GLT1D1: variants seen among roughly 807,000 people sequenced by gnomAD.
GLT1D1 encodes the protein glycosyltransferase 1 domain-containing protein 1.
Under a neutral mutation model 28.7 loss-of-function variants are expected in GLT1D1, and 21 were observed. That is an observed-to-expected ratio of 0.73 (90% CI 0.52 to 1.05). GLT1D1 has a LOEUF of 1.05. GLT1D1 is among the 50% of genes least tolerant of loss of function. The pLI is 0.00. For synonymous variants in GLT1D1, 147 were observed against 124.8 expected (o/e 1.18, Z -1.19); for missense variants, 343 against 330.6 (o/e 1.04, Z -0.29).
chr12:128,857,365 T>A (rs138003477), intron 1 of GLT1D1, among the ~76,000 whole-genome samples: 1,988 of 152,292 alleles, frequency 0.013, 43 homozygotes, highest in African/African-American at 0.046. Flanking sequence ...CGTTCTTTCT[T>A]TTCCTGGCTG....
At chr12:128,968,304 G>A (rs1878683530) in intron 7 of GLT1D1, among the ~76,000 whole-genome samples, 1 of 151,692 alleles carries the variant, frequency 6.6e-6, no homozygotes, top group Non-Finnish European at 1.5e-5. Context: ...CACTTATGTG[G>A]ATTTCCAAGT....
At chr12:128,939,176 G>T (rs1055624127) in intron 4 of GLT1D1, among the ~76,000 whole-genome samples, 3 of 152,064 alleles carry the variant, frequency 2.0e-5, no homozygotes, top group African/African-American at 7.2e-5. Flanking sequence ...TTCCTTTCAG[G>T]CAATCAGGGA....
intron 4 of GLT1D1, among the ~76,000 whole-genome samples, chr12:128,900,718 C>G (rs975445951): frequency 6.6e-6 from 1 of 151,950 alleles, no homozygotes; most frequent in Non-Finnish European, 1.5e-5. Flanking sequence ...TCACTGCAAC[C>G]TCTGCCCCCC....
chr12:128,952,772 G>GGTTTT (rs1565908656), intron 6 of GLT1D1, among the ~76,000 whole-genome samples: 1 of 21,788 alleles, frequency 4.6e-5, no homozygotes, highest in Non-Finnish European at 8.1e-5. Flanking sequence ...ACCGTGACTG[G>GGTTTT]CTTTTTTTTT....
At chr12:128,970,797 T>G (rs1878962658) in intron 7 of GLT1D1, among the ~76,000 whole-genome samples, 1 of 152,210 alleles carries the variant, frequency 6.6e-6, no homozygotes, top group African/African-American at 2.4e-5. Context: ...TCCCCGCACC[T>G]GTGTCTGTGT....
Position 128,883,059 on chromosome 12 carries a change from T to C in GLT1D1, c.218-5580T>C, listed in dbSNP as rs1024681995. Among the ~76,000 whole-genome samples, 5 of 151,840 alleles carry C rather than the reference T, an allele frequency of 3.3e-5. 1 individual carries two copies. The highest frequency in any genetic ancestry group is 6.6e-5 in the Admixed American group (1 of 15,230). On this transcript the variant is annotated intron_variant, in intron 2 of 7. Transcript: ENST00000281703. ...CTCCTGCCTCAGCCTCTTGAGTAGC[T>C]GGGATTACGAGCACGCGCCACCACG... is the stretch of plus-strand genomic sequence containing the variant.
At chr12:128,918,060 A>C (rs1443936451) in intron 4 of GLT1D1, among the ~76,000 whole-genome samples, 2 of 152,210 alleles carry the variant, frequency 1.3e-5, no homozygotes, top group African/African-American at 4.8e-5. Context: ...AATCAACCCA[A>C]ATGCCCATCA....
chr12:128,938,443 G>C (rs1310540978), intron 4 of GLT1D1, among the ~76,000 whole-genome samples: 1 of 152,196 alleles, frequency 6.6e-6, no homozygotes, highest in African/African-American at 2.4e-5. Flanking sequence ...GTGACTTAGT[G>C]ACCTCAGGGA....
chr12:128,916,322 T>C (rs768579533), intron 4 of GLT1D1, among the ~76,000 whole-genome samples: 5 of 152,252 alleles, frequency 3.3e-5, no homozygotes, highest in Non-Finnish European at 7.3e-5. Flanking sequence ...ATACATTTAC[T>C]ATGAATATCC....
chr12:128,905,071 T>C (rs992240766), intron 4 of GLT1D1, among the ~76,000 whole-genome samples: 4 of 122,868 alleles, frequency 3.3e-5, no homozygotes, highest in African/African-American at 1.1e-4. Flanking sequence ...GCCTGGCCCA[T>C]TTCCCACCCT....
chr12:128,881,558 A>ATATAT (rs1566099206), intron 2 of GLT1D1, among the ~76,000 whole-genome samples: 3 of 72,430 alleles, frequency 4.1e-5, no homozygotes, highest in Non-Finnish European at 7.5e-5. Flanking sequence ...AAAAAAAAAA[A>ATATAT]AAAATATATA....
intron 3 of GLT1D1, among the ~76,000 whole-genome samples, chr12:128,897,709 C>T (rs1470856543): frequency 6.6e-6 from 1 of 152,086 alleles, no homozygotes; most frequent in Non-Finnish European, 1.5e-5. Context: ...CGCTCTGTTG[C>T]CCAGGCTGGA....
In GLT1D1 at chr12:128,945,340, T is replaced by C. The variant is rs377311314; in HGVS notation, c.390T>C (p.Phe130=). 3.1e-5 allele frequency: 50 copies of C among 1,614,026 alleles called. No individual in the cohort carries two copies. The African/African-American group carries it at 5.7e-4, about 19-fold the overall frequency. Residue 130 remains phenylalanine, a synonymous_variant, in exon 5 of 8, where the codon TTT becomes TTC. Transcript: ENST00000281703. ...TCTCTTTTCAGGTCGATCCAGTGTT[T>C]ACAAGGGAAGTGAAAGCCAAAGTGA...
At chr12:128,973,550 C>G (rs1306681072) in intron 7 of GLT1D1, among the ~76,000 whole-genome samples, 1 of 151,860 alleles carries the variant, frequency 6.6e-6, no homozygotes, top group African/African-American at 2.4e-5. Flanking sequence ...GATTTACCGC[C>G]GCACTTTAAT....
chr12:128,880,876 T>C (rs1224915351), intron 2 of GLT1D1, among the ~76,000 whole-genome samples: 1 of 152,172 alleles, frequency 6.6e-6, no homozygotes, highest in Admixed American at 6.6e-5. Flanking sequence ...TATTCAAAAT[T>C]AAGTTTGCAA....
intron 1 of GLT1D1, among the ~76,000 whole-genome samples, chr12:128,862,497 CAT>C (rs909832997): frequency 1.5e-4 from 23 of 152,056 alleles, no homozygotes; most frequent in African/African-American, 5.1e-4. Context: ...CTCTACAAAA[CAT>C]ACACCAATTA....
chr12:128,975,719 A>T (rs675624), intron 7 of GLT1D1, among the ~76,000 whole-genome samples: 110,223 of 152,086 alleles, frequency 0.72, 40,181 homozygotes, highest in Admixed American at 0.81. Flanking sequence ...CCCAAAGTGC[A>T]GAGATTACAT....
In GLT1D1 at chr12:128,864,005, C is replaced by T. The variant is rs1244540527; in HGVS notation, c.68+10356C>T. ...CTGAATACTATCTGGAAGGACCCTG[C>T]GATGCTGTGGCAGCGGGGAGAGAAG... On this transcript the variant is annotated intron_variant, in intron 1 of 7. Coordinates refer to ENST00000281703, the MANE Select transcript of GLT1D1 (RefSeq NM_144669.3). 2.8e-5 allele frequency: 12 copies of T among 430,764 alleles called. No individual in the cohort carries two copies. The South Asian group carries it at 3.6e-4, about 13-fold the overall frequency. 26.7% of individuals were successfully genotyped at this position (430,764 alleles called of 1,614,324 possible). A position where few individuals can be genotyped will look rare whatever the true frequency, so the allele number is the denominator to read the frequency against.
intron 5 of GLT1D1, among the ~76,000 whole-genome samples, chr12:128,945,921 T>C (rs1876008263): frequency 6.6e-6 from 1 of 152,202 alleles, no homozygotes; most frequent in Non-Finnish European, 1.5e-5. Flanking sequence ...GTCTGCATTT[T>C]AAGTGGGGTG....
Sources: gnomAD v4.1 joint callset for allele counts (sites outside exome capture counted in the v4.1 genomes callset) on GRCh38, gnomAD v4.1.1 for gene constraint, MANE v1.5 for transcripts, NCBI Gene and HGNC (gene_info 2026-07-23, HGNC 2026-07-21) for gene names.